Variants in ROBO1 observed in about 807,000 individuals in gnomAD.
ROBO1 encodes roundabout homolog 1.
A neutral mutation model predicts 195.9 loss-of-function variants in ROBO1; 149 were observed. The ratio of observed to expected loss-of-function variants is 0.76; its 90% CI spans 0.67 to 0.87. The LOEUF (loss-of-function observed/expected upper bound fraction) is 0.87. Among genes scored for constraint, ROBO1 ranks in the 40% least tolerant of loss-of-function variants. ROBO1 has a pLI of 0.00. For missense variants in ROBO1, 1,933 were observed against 2,068.3 expected (o/e 0.93, Z 1.27); for synonymous variants, 816 against 733.2 (o/e 1.11, Z -1.82).
intron 3 of ROBO1, among the ~76,000 whole-genome samples, chr3:79,041,498 T>C (rs1286711303): frequency 2.6e-5 from 4 of 152,020 alleles, no homozygotes; most frequent in Admixed American, 6.6e-5. Flanking sequence ...TGCAATCCCA[T>C]AGAATGTTCT....
chr3:78,686,152 T>A (rs941987651), intron 9 of ROBO1, among the ~76,000 whole-genome samples: 1 of 152,142 alleles, frequency 6.6e-6, no homozygotes, highest in Non-Finnish European at 1.5e-5. Context: ...CATATACATA[T>A]ACAAGGTTTA....
intron 2 of ROBO1, among the ~76,000 whole-genome samples, chr3:79,224,624 C>T (rs1006989541): frequency 6.6e-6 from 1 of 152,268 alleles, no homozygotes; most frequent in African/African-American, 2.4e-5. Context: ...CCTGGAGGGT[C>T]CCGCATTTAT....
chr3:79,653,974 C>A (rs911795430), intron 1 of ROBO1, among the ~76,000 whole-genome samples: 4 of 151,868 alleles, frequency 2.6e-5, no homozygotes, highest in African/African-American at 4.8e-5. Flanking sequence ...AAATACAAAG[C>A]CTCTCTGTTG....
At chr3:79,683,252 C>G (rs530842363) in intron 1 of ROBO1, among the ~76,000 whole-genome samples, 3 of 151,786 alleles carry the variant, frequency 2.0e-5, no homozygotes, top group Admixed American at 6.6e-5. Context: ...TTTTCCAGTC[C>G]CTGATCCTTT....
At chr3:78,720,954 G>C (rs527776238) in intron 5 of ROBO1, among the ~76,000 whole-genome samples, 123 of 151,104 alleles carry the variant, frequency 8.1e-4, no homozygotes, top group Middle Eastern at 3.4e-3. Context: ...TGGGGTTGGG[G>C]GGGGGGCGGT....
chr3:78,791,718 T>A (rs2084027716), intron 4 of ROBO1, among the ~76,000 whole-genome samples: 1 of 152,202 alleles, frequency 6.6e-6, no homozygotes, highest in Admixed American at 6.5e-5. Context: ...CATTTCTTTA[T>A]CCTAAAAATT....
At position 78,961,457 on chromosome 3, in the gene ROBO1, AT is replaced by A. The variant is rs1206257615; in HGVS notation, c.173-22531del. Among the ~76,000 whole-genome samples, 7 of 152,210 alleles carry A rather than the reference AT, an allele frequency of 4.6e-5. No individual in the cohort carries two copies. The East Asian group carries it at 1.2e-3, about 25-fold the overall frequency. ...AACATCTCAAAAGCACACAGGTAAG[AT>A]TTTTTTTAAATTATCTCATTTATCT... On this transcript the variant is annotated intron_variant, in intron 3 of 30. Coordinates refer to ENST00000464233, the MANE Select transcript of ROBO1 (RefSeq NM_002941.4).
intron 4 of ROBO1, among the ~76,000 whole-genome samples, chr3:78,791,511 CA>C (rs1354013394): frequency 6.6e-5 from 10 of 152,194 alleles, no homozygotes; most frequent in Non-Finnish European, 1.3e-4. Context: ...TAATAAAGTT[CA>C]AGCTTTAAAA....
intron 1 of ROBO1, among the ~76,000 whole-genome samples, chr3:79,637,020 G>T (rs533044004): frequency 6.3e-4 from 96 of 152,130 alleles, no homozygotes; most frequent in African/African-American, 2.2e-3. Flanking sequence ...CCCATAACAT[G>T]TGTGGCTATT....
intron 2 of ROBO1, among the ~76,000 whole-genome samples, chr3:79,561,402 C>A (rs1167172399): frequency 6.6e-6 from 1 of 152,164 alleles, no homozygotes; most frequent in African/African-American, 2.4e-5. Flanking sequence ...ATGTTCTAGG[C>A]AGAGTATAAG....
chr3:79,025,472 A>C (rs2078186252), intron 3 of ROBO1, among the ~76,000 whole-genome samples: 1 of 152,164 alleles, frequency 6.6e-6, no homozygotes, highest in African/African-American at 2.4e-5. Flanking sequence ...CCCAGCATCC[A>C]AAACAGTGCC....
chr3:79,574,232 ACAG>A (rs1327872643), intron 2 of ROBO1, among the ~76,000 whole-genome samples: 1 of 152,092 alleles, frequency 6.6e-6, no homozygotes, highest in Non-Finnish European at 1.5e-5. Flanking sequence ...TCATTTTAAT[ACAG>A]CACTTTCAAT....
Position 79,293,833 on chromosome 3 carries a change from C to T in ROBO1, c.89-168294G>A, listed in dbSNP as rs572594194. ...CAGCACTTTGGGAGGCCGAGGTGGG[C>T]GGATCACGAGGTCAGGAGATCGAGA... On this transcript the variant is annotated intron_variant, in intron 2 of 30. Coordinates refer to ENST00000464233, the MANE Select transcript of ROBO1 (RefSeq NM_002941.4). Among the ~76,000 whole-genome samples, 92 of 151,544 alleles carry T rather than the reference C, an allele frequency of 6.1e-4. 1 individual carries two copies. Among genetic ancestry groups the T allele is most frequent in the Admixed American group, 9.9e-4 (15 of 15,220 alleles).
At chr3:78,963,397 G>T (rs1367312779) in intron 3 of ROBO1, among the ~76,000 whole-genome samples, 1 of 150,002 alleles carries the variant, frequency 6.7e-6, no homozygotes, top group Non-Finnish European at 1.5e-5. Context: ...TAATTTGAGT[G>T]GATCAGAGAC....
At chr3:79,065,139 A>C (rs2078983408) in intron 3 of ROBO1, among the ~76,000 whole-genome samples, 1 of 152,000 alleles carries the variant, frequency 6.6e-6, no homozygotes, top group African/African-American at 2.4e-5. Flanking sequence ...ATGAGTTAAA[A>C]ACCCATTTTT....
chr3:79,473,823 G>T (rs185911427), intron 2 of ROBO1, among the ~76,000 whole-genome samples: 23 of 151,942 alleles, frequency 1.5e-4, no homozygotes, highest in Admixed American at 5.9e-4. Context: ...AGTTGAATAA[G>T]AATACCCTTA....
intron 2 of ROBO1, among the ~76,000 whole-genome samples, chr3:79,197,842 G>A (rs1168284110): frequency 6.6e-6 from 1 of 150,906 alleles, no homozygotes; most frequent in Non-Finnish European, 1.5e-5. Flanking sequence ...GTCTTCTTTT[G>A]AGAAGTGTCT....
intron 2 of ROBO1, among the ~76,000 whole-genome samples, chr3:79,501,122 G>A (rs1250284754): frequency 1.3e-5 from 2 of 152,054 alleles, no homozygotes; most frequent in Non-Finnish European, 2.9e-5. Flanking sequence ...TTTTTTATAA[G>A]TCATTTTTTA....
chr3:79,743,062 A>C (rs990320709), intron 1 of ROBO1, among the ~76,000 whole-genome samples: 3 of 152,220 alleles, frequency 2.0e-5, no homozygotes, highest in African/African-American at 7.2e-5. Flanking sequence ...AGCCTTGTTT[A>C]ACTCAACCAT....
Sources: allele counts gnomAD v4.1 joint callset (sites outside exome capture counted in the v4.1 genomes callset), GRCh38; gene constraint gnomAD v4.1.1; transcripts MANE v1.5; gene names NCBI Gene and HGNC (gene_info 2026-07-23, HGNC 2026-07-21).